The following TRIM6 variants were observed in gnomAD, a reference collection of about 807,000 sequenced individuals.
TRIM6 encodes tripartite motif-containing protein 6.
TRIM6 carries 43 observed loss-of-function variants against 51.2 expected under a neutral mutation model. The ratio of observed to expected loss-of-function variants is 0.84; its 90% CI spans 0.66 to 1.08. TRIM6 has a LOEUF of 1.08. TRIM6 is among the 50% of genes least tolerant of loss of function. The probability of loss-of-function intolerance (pLI) is 0.00; values close to 1 mark genes in which losing one functional copy is unlikely to be tolerated. For missense variants in TRIM6, 669 were observed against 619.0 expected (o/e 1.08, Z -0.86); for synonymous variants, 215 against 232.4 (o/e 0.93, Z 0.68).
In TRIM6 at chr11:5,604,578, G is replaced by A. The variant is rs145003281; in HGVS notation, c.552G>A (p.Gln184=). 6.2e-7 allele frequency: 1 copy of A among 1,613,294 alleles called. No individual in the cohort carries two copies. The change falls in exon 3 of 8, where the codon CAG becomes CAA. Residue 184 remains glutamine (Q), a synonymous_variant. Transcript: ENST00000380097. ...ESLKKLKNEE[Q]EAEKLTAFIR... is the part of the protein sequence containing the mutation. ...TAAAGAAGCTGAAGAACGAGGAGCA[G>A]GAAGCTGAGAAGCTAACAGCTTTTA...
chr11:5,605,545 G>T lies in TRIM6; in HGVS notation c.812G>T (p.Gly271Val). 6.2e-7 allele frequency: 1 copy of T among 1,613,528 alleles called. No homozygotes were observed. The highest frequency in any genetic ancestry group is 8.5e-7 in the Non-Finnish European group (1 of 1,179,786). ...LISDLERRCQ[G>V]STMELLQDVS... ...TCGGATCTGGAGCGTCGATGTCAGG[G>T]GTCAACAATGGAGCTGCTGCAGGTA... is the stretch of plus-strand genomic sequence containing the variant. The change falls in exon 4 of 8, where the codon GGG (glycine) becomes GTG (valine). Residue 271 changes from glycine to valine, a missense_variant. Physicochemically the swap from Gly to Val is moderately radical, Grantham distance 109. Coordinates refer to ENST00000380097, the MANE Select transcript of TRIM6 (RefSeq NM_001003818.3).
At chr11:5,610,341 G>A (rs1299446635) in intron 6 of TRIM6, 96 bp downstream of exon 6, 3 of 1,586,310 alleles carry the variant, frequency 1.9e-6, no homozygotes, top group Non-Finnish European at 1.7e-6. Context: ...GAGCATAGTG[G>A]CAAAGAGGGA....
chr11:5,603,806 C>A, intron 2 of TRIM6, 71 bp downstream of exon 2: 1 of 1,547,788 alleles, frequency 6.5e-7, no homozygotes, highest in East Asian at 2.3e-5. Context: ...TTATCATGCT[C>A]TGATCTAATC....
chr11:5,608,609 G>T (rs1362912640), intron 5 of TRIM6, among the ~76,000 whole-genome samples: 1 of 151,964 alleles, frequency 6.6e-6, no homozygotes, highest in Non-Finnish European at 1.5e-5. Flanking sequence ...AGTAGGTGGG[G>T]ACAGTACTGT....
At position 5,605,546 on chromosome 11, in the gene TRIM6, G is replaced by T. The variant is rs1848155630; in HGVS notation, c.813G>T (p.Gly271=). 1 of 1,613,278 alleles carries T rather than the reference G, an allele frequency of 6.2e-7. No individual in the cohort carries two copies. The highest frequency in any genetic ancestry group is 8.5e-7 in the Non-Finnish European group (1 of 1,179,722). Residue 271 remains glycine, a synonymous_variant, in exon 4 of 8, where the codon GGG becomes GGT. Coordinates refer to ENST00000380097, the MANE Select transcript of TRIM6 (RefSeq NM_001003818.3). The part of the protein sequence containing the change: ...LISDLERRCQ[G]STMELLQDVS... ...CGGATCTGGAGCGTCGATGTCAGGG[G>T]TCAACAATGGAGCTGCTGCAGGTAA...
intron 2 of TRIM6, 124 bp from the exon 3 acceptor site, chr11:5,604,410 T>G: frequency 9.2e-7 from 1 of 1,081,138 alleles, no homozygotes. Context: ...CCTCTCAAGT[T>G]TTCATCCTAG....
At chr11:5,608,808 A>G (rs1272633178) in intron 5 of TRIM6, among the ~76,000 whole-genome samples, 1 of 148,544 alleles carries the variant, frequency 6.7e-6, no homozygotes, top group Non-Finnish European at 1.5e-5. Flanking sequence ...TTAAGTTTAT[A>G]GTTACCTCAA....
chr11:5,599,672 G>A (rs1237661574), intron 1 of TRIM6, among the ~76,000 whole-genome samples: 1 of 151,906 alleles, frequency 6.6e-6, no homozygotes, highest in Non-Finnish European at 1.5e-5. Flanking sequence ...CAAAGTGCTG[G>A]GATTACAGGC....
intron 5 of TRIM6, among the ~76,000 whole-genome samples, chr11:5,609,119 C>T (rs1458592520): frequency 6.6e-6 from 1 of 151,904 alleles, no homozygotes; most frequent in South Asian, 2.1e-4. Context: ...TAATTTAGCC[C>T]GGGAATCAAA....
intron 4 of TRIM6, among the ~76,000 whole-genome samples, chr11:5,607,439 A>G (rs1237607779): frequency 6.6e-6 from 1 of 152,200 alleles, no homozygotes; most frequent in Non-Finnish European, 1.5e-5. Flanking sequence ...AAATGCCACC[A>G]TAAACAGCCC....
intron 7 of TRIM6, 102 bp downstream of exon 7, chr11:5,610,663 C>G (rs1848518426): frequency 6.4e-7 from 1 of 1,563,608 alleles, no homozygotes; most frequent in Non-Finnish European, 8.7e-7. Context: ...GATGCCTCCC[C>G]CATCCCCGCC....
chr11:5,608,787 A>G (rs1485444802), intron 5 of TRIM6, among the ~76,000 whole-genome samples: 1 of 150,330 alleles, frequency 6.7e-6, no homozygotes, highest in Non-Finnish European at 1.5e-5. Context: ...GCCTGCTTTC[A>G]TCCCTGATTC....
At chr11:5,604,664 A>G (rs1350516249) in intron 3 of TRIM6, 35 bp downstream of exon 3, 2 of 1,600,946 alleles carry the variant, frequency 1.2e-6, no homozygotes, top group East Asian at 4.5e-5. Context: ...GTCCTGGGGC[A>G]GGAATCATGG....
chr11:5,602,602 T>A (rs1217840197), intron 1 of TRIM6, among the ~76,000 whole-genome samples: 1 of 151,822 alleles, frequency 6.6e-6, no homozygotes, highest in Non-Finnish European at 1.5e-5. Flanking sequence ...GCAAAAATCC[T>A]GAGGCAGCAG....
chr11:5,608,438 A>G, intron 5 of TRIM6, 44 bp downstream of exon 5: 1 of 1,610,938 alleles, frequency 6.2e-7, no homozygotes. Flanking sequence ...GGACTGACAA[A>G]TGATTCCTTT....
upstream of TRIM6, among the ~76,000 whole-genome samples, chr11:5,596,498 C>A (rs1226851202): frequency 6.1e-5 from 7 of 114,784 alleles, no homozygotes; most frequent in Admixed American, 1.8e-4. Context: ...AGCATCCCTT[C>A]CCCCCTTCCC....
chr11:5,606,928 G>A (rs1395519456), intron 4 of TRIM6, among the ~76,000 whole-genome samples: 1 of 152,218 alleles, frequency 6.6e-6, no homozygotes, highest in Non-Finnish European at 1.5e-5. Context: ...CCAAGGCCGA[G>A]CGCGGTGGCT....
At position 5,610,852 on chromosome 11, in the gene TRIM6, T is replaced by A; in HGVS notation, c.1061T>A (p.Val354Glu). Residue 354 changes from valine to glutamate, a missense_variant, in exon 8 of 8, where the codon GTG (valine) becomes GAG (glutamate). Coordinates refer to ENST00000380097, the MANE Select transcript of TRIM6 (RefSeq NM_001003818.3). Reference protein sequence around the residue: ...LAKNRRQVRFVGAKVSGPSCL... With the variant: ...LAKNRRQVRFEGAKVSGPSCL... ...AAAAACCGGAGACAAGTGAGGTTTG[T>A]GGGAGCTAAAGTATCTGGACCTTCC... 6.2e-7 allele frequency: 1 copy of A among 1,614,184 alleles called. No homozygotes were observed. Among genetic ancestry groups the A allele is most frequent in the Non-Finnish European group, 8.5e-7 (1 of 1,180,046 alleles).
In TRIM6 at chr11:5,611,266, T is replaced by A. The variant is rs1264892154; in HGVS notation, c.1475T>A (p.Phe492Tyr). The A allele has an allele frequency of 2.5e-6, 4 of 1,614,100 alleles. No individual in the cohort carries two copies. In the South Asian group the frequency reaches 4.4e-5, roughly 18 times the overall value. ...ATCTACACTTTCTCTAAATATTACT[T>A]TCCCACTACTCTTTGTCCATATTTT... ...FPIYTFSKYY[F>Y]PTTLCPYFNP... Residue 492 changes from phenylalanine (F) to tyrosine (Y), a missense_variant, in exon 8 of 8, where the codon TTT becomes TAT. Physicochemically the swap from Phe to Tyr is conservative, Grantham distance 22. Transcript: ENST00000380097.
Sources: allele counts gnomAD v4.1 joint callset (sites outside exome capture counted in the v4.1 genomes callset), GRCh38; gene constraint gnomAD v4.1.1; transcripts MANE v1.5; gene names NCBI Gene and HGNC (gene_info 2026-07-23, HGNC 2026-07-21).